Variants in HEATR1 observed in about 807,000 individuals in gnomAD.
HEATR1 encodes the protein HEAT repeat containing 1, also known as HEAT repeat-containing protein 1.
Under a neutral mutation model 248.2 loss-of-function variants are expected in HEATR1, and 77 were observed. The observed-to-expected ratio is 0.31, with a 90% CI of 0.26 to 0.37. The LOEUF (loss-of-function observed/expected upper bound fraction) is 0.37, where lower values mean the gene tolerates loss of function less well. Ranked by LOEUF, HEATR1 falls within the 10% of genes least tolerant of loss-of-function variation. The pLI, the probability that HEATR1 is intolerant of heterozygous loss-of-function variation, is 1.00. For synonymous variants in HEATR1, 897 were observed against 923.1 expected (o/e 0.97, Z 0.51); for missense variants, 2,420 against 2,504.9 (o/e 0.97, Z 0.72).
intron 26 of HEATR1, 140 bp downstream of exon 26, chr1:236,572,271 C>A: frequency 9.9e-7 from 1 of 1,014,116 alleles, no homozygotes; most frequent in Non-Finnish European, 1.4e-6. Context: ...TAAAACCAAT[C>A]TTTTAATTTC....
rs1487723513 is a variant in HEATR1 at position 236,556,248 on chromosome 1, A to G, written c.5366T>C (p.Leu1789Pro). Reference protein sequence around the residue: ...LEGILSQVIHLEKITSEMGSA... With the variant: ...LEGILSQVIHPEKITSEMGSA... The stretch of plus-strand genomic sequence containing the variant: ...ACCCATTTCACTAGTGATTTTCTCC[A>G]GATGAATCACCTACAGGAATATAAA... The change falls in exon 38 of 45, where the codon CTG (leucine) becomes CCG (proline). Residue 1789 changes from leucine to proline, a missense_variant. By Grantham distance (98) the Leu-to-Pro change is moderately conservative (BLOSUM62 -3). Transcript: ENST00000366582. The G allele has an allele frequency of 3.1e-6, 5 of 1,614,014 alleles. No homozygotes were observed. In the Admixed American group the frequency reaches 8.3e-5, roughly 27 times the overall value.
chr1:236,582,706 G>C lies in HEATR1; in HGVS notation c.2562+30C>G, dbSNP rs766774185. The C allele has an allele frequency of 3.7e-5, 59 of 1,612,176 alleles. No individual in the cohort carries two copies. The South Asian group carries it at 6.0e-4, about 17-fold the overall frequency. ...GCCAGCCATATCTTCTTTAAGGGTA[G>C]AGTACGCCTGAAAAGGAGGAGGCTT... On this transcript the variant is annotated intron_variant, in intron 19 of 44. Transcript: ENST00000366582.
At chr1:236,603,803 G>A in intron 2 of HEATR1, 151 bp downstream of exon 2, 2 of 844,792 alleles carry the variant, frequency 2.4e-6, no homozygotes, top group Non-Finnish European at 3.6e-6. Flanking sequence ...TGACTGTTAT[G>A]TTCTCTTTCC....
At chr1:236,602,376 A>G (rs2853612) in intron 3 of HEATR1, among the ~76,000 whole-genome samples, 81,569 of 152,108 alleles carry the variant, frequency 0.54, 23,779 homozygotes, top group Non-Finnish European at 0.65. Flanking sequence ...CAAGGATAAT[A>G]CAAATAATCT....
chr1:236,561,375 A>G (rs1041280783), intron 32 of HEATR1, 104 bp from the exon 33 acceptor site: 2 of 827,256 alleles, frequency 2.4e-6, no homozygotes, highest in South Asian at 2.9e-5. Context: ...AACCTTCCAC[A>G]GCAACTGTTT....
rs1267779639 is a variant in HEATR1 at position 236,594,086 on chromosome 1, T to C, written c.1119A>G (p.Gln373=). The C allele has an allele frequency of 6.2e-7, 1 of 1,601,746 alleles. No individual in the cohort carries two copies. Among genetic ancestry groups the C allele is most frequent in the East Asian group, 2.3e-5 (1 of 44,082 alleles). ...TGEETEGMDG[Q]IYKRHLEAIL... is the part of the protein sequence containing the mutation. The stretch of plus-strand genomic sequence containing the variant: ...TAGCTTCTAAGTGTCTCTTGTAGAT[T>C]TGACCATCCATTCCTTCAGTTTCTT... The change falls in exon 9 of 45, where the codon CAA becomes CAG. Residue 373 remains glutamine (Q), a synonymous_variant. Transcript: ENST00000366582.
intron 24 of HEATR1, among the ~76,000 whole-genome samples, chr1:236,573,663 G>C (rs765987594): frequency 5.5e-4 from 84 of 151,836 alleles, no homozygotes; most frequent in Non-Finnish European, 9.6e-4. Flanking sequence ...CAAAGAAAAA[G>C]AAGGAAAAAA....
chr1:236,570,449 A>ATGGTGG (rs1260228938), intron 28 of HEATR1, among the ~76,000 whole-genome samples: 5 of 152,000 alleles, frequency 3.3e-5, no homozygotes, highest in Admixed American at 6.5e-5. Flanking sequence ...GGTGGTGGTC[A>ATGGTGG]TGGTGGTGGT....
chr1:236,550,660 G>T lies in HEATR1; in HGVS notation c.*242C>A. 2.3e-6 allele frequency: 1 copy of T among 438,908 alleles called. No individual in the cohort carries two copies. The highest frequency in any genetic ancestry group is 4.0e-6 in the Non-Finnish European group (1 of 248,630). The allele number at this position is 438,908 out of a possible 1,614,324, so 27.2% of individuals were successfully genotyped here. ...AATAATAAATGTTTAAACAAACACA[G>T]CAGTCTGTATAAAAATACCGTGTAT... On this transcript the variant is annotated 3_prime_UTR_variant, in exon 45 of 45. Coordinates refer to ENST00000366582, the MANE Select transcript of HEATR1 (RefSeq NM_018072.6).
In HEATR1 at chr1:236,550,749, G is replaced by A; in HGVS notation, c.*153C>T. 2 of 590,836 alleles carry A rather than the reference G, an allele frequency of 3.4e-6. No individual in the cohort carries two copies. The highest frequency in any genetic ancestry group is 5.9e-6 in the Non-Finnish European group (2 of 341,314). The allele number at this position is 590,836 out of a possible 1,614,324, so 36.6% of individuals were successfully genotyped here. ...AGGCTTATGTGGCAGCACAAGCCAG[G>A]TGGGGATTTTGTAAAGAAGTGATAA... On this transcript the variant is annotated 3_prime_UTR_variant, in exon 45 of 45. Transcript: ENST00000366582.
intron 10 of HEATR1, 144 bp downstream of exon 10, chr1:236,592,378 AT>A (rs1461986005): frequency 1.0e-5 from 6 of 595,148 alleles, no homozygotes; most frequent in Non-Finnish European, 1.5e-5. Context: ...AATATTTTTG[AT>A]TCCGATACTC....
intron 39 of HEATR1, 69 bp from the exon 40 acceptor site, chr1:236,555,724 T>C: frequency 1.2e-6 from 2 of 1,605,414 alleles, no homozygotes; most frequent in Non-Finnish European, 1.7e-6. Context: ...CAAGTACCAC[T>C]GTTACACGGC....
In HEATR1 at chr1:236,572,523, C is replaced by T. The variant is rs139560097; in HGVS notation, c.3595G>A (p.Val1199Ile). Residue 1199 changes from valine (V) to isoleucine (I), a missense_variant, in exon 26 of 45, where the codon GTT becomes ATT. Physicochemically the swap from Val to Ile is conservative, Grantham distance 29. Coordinates refer to ENST00000366582, the MANE Select transcript of HEATR1 (RefSeq NM_018072.6). Reference protein sequence around the residue: ...KSQDLESVQEVGGSYWQRVTL... With the variant: ...KSQDLESVQEIGGSYWQRVTL... ...ACTCTTTGCCAGTAAGAACCTCCAA[C>T]TTCCTGAACAGATTCTAGATCTTGT... 196 of 1,614,078 alleles carry T rather than the reference C, an allele frequency of 1.2e-4. No homozygotes were observed. The highest frequency in any genetic ancestry group is 1.6e-4 in the Non-Finnish European group (186 of 1,179,962).
At chr1:236,562,978 T>C (rs1311975627) in intron 32 of HEATR1, among the ~76,000 whole-genome samples, 2 of 152,246 alleles carry the variant, frequency 1.3e-5, no homozygotes, top group Non-Finnish European at 2.9e-5. Flanking sequence ...GCCTGCTTGA[T>C]ACAGATCACA....
At chr1:236,568,885 T>TAAA (rs775657083) in intron 29 of HEATR1, 111 bp downstream of exon 29, 6,328 of 312,960 alleles carry the variant, frequency 0.02, 37 homozygotes, top group African/African-American at 0.068. Context: ...TTGAGGATAT[T>TAAA]AAAAAAAAAA....
In HEATR1 at chr1:236,603,319, G is replaced by C. The variant is rs755803997; in HGVS notation, c.200C>G (p.Ala67Gly). Residue 67 changes from alanine (A) to glycine (G), a missense_variant, in exon 3 of 45, where the codon GCA (alanine) becomes GGA (glycine). Ala to Gly is a moderately conservative substitution (Grantham distance 60). Coordinates refer to ENST00000366582, the MANE Select transcript of HEATR1 (RefSeq NM_018072.6). ...TTTTGCTAGCTGACTGAACAACGGT[G>C]CTTCAAACTGCTCAAAGGAAGGATC... ...GIDPSFEQFE[A>G]PLFSQLAKTL... is the part of the protein sequence containing the mutation. The C allele has an allele frequency of 9.9e-6, 16 of 1,614,156 alleles. No individual in the cohort carries two copies. The South Asian group carries it at 1.5e-4, about 16-fold the overall frequency.
At chr1:236,552,426 G>C in intron 43 of HEATR1, 1 of 170,058 alleles carries the variant, frequency 5.9e-6, no homozygotes, top group Non-Finnish European at 1.3e-5. Context: ...AAACTCAAGT[G>C]TGTCACCAGA....
intron 24 of HEATR1, among the ~76,000 whole-genome samples, chr1:236,573,154 C>G (rs1050906349): frequency 6.6e-6 from 1 of 152,212 alleles, no homozygotes; most frequent in African/African-American, 2.4e-5. Context: ...TCTCAAGTTA[C>G]AGCCCTGCAC....
intron 22 of HEATR1, 136 bp downstream of exon 22, chr1:236,576,082 CT>C: frequency 3.6e-6 from 2 of 560,108 alleles, no homozygotes; most frequent in South Asian, 4.4e-5. Flanking sequence ...ACTCATCCCC[CT>C]CTCAAATTAA....
Sources: allele counts gnomAD v4.1 joint callset (sites outside exome capture counted in the v4.1 genomes callset), GRCh38; gene constraint gnomAD v4.1.1; transcripts MANE v1.5; gene names NCBI Gene and HGNC (gene_info 2026-07-23, HGNC 2026-07-21).